The following CHL1 variants were observed in gnomAD, a reference collection of about 807,000 sequenced individuals.
The protein encoded by CHL1 is neural cell adhesion molecule L1-like protein.
A neutral mutation model predicts 141.9 loss-of-function variants in CHL1; 96 were observed. The observed-to-expected ratio is 0.68, with a 90% CI of 0.57 to 0.80. CHL1 has a LOEUF of 0.80. Among genes scored for constraint, CHL1 ranks in the 30% least tolerant of loss-of-function variants. The probability of loss-of-function intolerance (pLI) is 0.00; values close to 1 mark genes in which losing one functional copy is unlikely to be tolerated. For synonymous variants in CHL1, 613 were observed against 502.2 expected, an observed-to-expected ratio of 1.22 and a Z score of -2.95; for missense variants, 1,820 against 1,457.2, an observed-to-expected ratio of 1.25 and a Z score of -4.05.
chr3:337,074 T>C (rs1425577538), intron 5 of CHL1, among the ~76,000 whole-genome samples: 2 of 152,172 alleles, frequency 1.3e-5, no homozygotes, highest in African/African-American at 2.4e-5. Context: ...AAAAGATAGA[T>C]GCTGTGATAT....
At chr3:242,326 G>T (rs1301766897) in intron 1 of CHL1, among the ~76,000 whole-genome samples, 2 of 141,552 alleles carry the variant, frequency 1.4e-5, no homozygotes, top group Non-Finnish European at 3.1e-5. Flanking sequence ...GCTGAGCGCG[G>T]TGGCTCACGC....
intron 2 of CHL1, among the ~76,000 whole-genome samples, chr3:280,462 A>G (rs1696540902): frequency 6.6e-6 from 1 of 152,244 alleles, no homozygotes; most frequent in Non-Finnish European, 1.5e-5. Flanking sequence ...AAAGTGCTGA[A>G]TAACTTAGAT....
chr3:376,754 C>T (rs1706377687), intron 15 of CHL1, among the ~76,000 whole-genome samples: 1 of 152,096 alleles, frequency 6.6e-6, no homozygotes, highest in Admixed American at 6.5e-5. Flanking sequence ...AAATGGACAC[C>T]TGAGTAACAT....
intron 13 of CHL1, 74 bp downstream of exon 13, chr3:361,884 T>C: frequency 2.0e-6 from 2 of 1,017,972 alleles, no homozygotes; most frequent in Non-Finnish European, 3.1e-6. Flanking sequence ...ATCCGTCATT[T>C]GACAGGCTGT....
intron 16 of CHL1, among the ~76,000 whole-genome samples, chr3:380,294 C>A (rs1291282930): frequency 3.9e-5 from 6 of 152,270 alleles, no homozygotes; most frequent in African/African-American, 1.4e-4. Context: ...GGAAACGATG[C>A]TTTTTGTCAA....
At chr3:232,942 C>T (rs954711048) in intron 1 of CHL1, among the ~76,000 whole-genome samples, 1 of 152,010 alleles carries the variant, frequency 6.6e-6, no homozygotes, top group African/African-American at 2.4e-5. Context: ...AAAATTTGTT[C>T]TCTAAGTTTA....
intron 8 of CHL1, among the ~76,000 whole-genome samples, chr3:343,246 T>C (rs112624685): frequency 3.3e-5 from 5 of 152,206 alleles, no homozygotes; most frequent in African/African-American, 1.2e-4. Context: ...TATAATGAAA[T>C]ACTTATATAT....
chr3:401,099 G>T (rs574605350), intron 26 of CHL1, among the ~76,000 whole-genome samples: 15 of 152,070 alleles, frequency 9.9e-5, no homozygotes, highest in Admixed American at 5.9e-4. Flanking sequence ...ACAGGGTCTT[G>T]CTTTGTTGCC....
chr3:399,270 G>T, intron 26 of CHL1, 122 bp downstream of exon 26: 1 of 708,636 alleles, frequency 1.4e-6, no homozygotes, highest in Non-Finnish European at 2.5e-6. Flanking sequence ...CAAGTTAGAT[G>T]TACAATGCAC....
intron 2 of CHL1, among the ~76,000 whole-genome samples, chr3:262,907 G>A (rs143832341): frequency 6.6e-6 from 1 of 152,314 alleles, no homozygotes; most frequent in African/African-American, 2.4e-5. Flanking sequence ...GGTTTCTGGA[G>A]TTTCCTTCCT....
chr3:250,351 T>G (rs1693576832), intron 2 of CHL1, among the ~76,000 whole-genome samples: 1 of 152,162 alleles, frequency 6.6e-6, no homozygotes, highest in African/African-American at 2.4e-5. Flanking sequence ...GTATACTATT[T>G]TAACTAAGGG....
chr3:228,343 C>T (rs1701550222), intron 1 of CHL1, among the ~76,000 whole-genome samples: 1 of 152,172 alleles, frequency 6.6e-6, no homozygotes, highest in South Asian at 2.1e-4. Context: ...TAAAGGCTTA[C>T]CCCAACCACC....
intron 1 of CHL1, among the ~76,000 whole-genome samples, chr3:220,079 G>T (rs535501951): frequency 6.6e-6 from 1 of 152,144 alleles, no homozygotes; most frequent in Non-Finnish European, 1.5e-5. Flanking sequence ...CATACTGTGG[G>T]ATTTCATTTA....
At chr3:394,311 A>T (rs977970420) in intron 23 of CHL1, among the ~76,000 whole-genome samples, 6 of 152,208 alleles carry the variant, frequency 3.9e-5, no homozygotes, top group African/African-American at 1.4e-4. Flanking sequence ...ACTTAAGTCA[A>T]AGATACAATG....
intron 14 of CHL1, among the ~76,000 whole-genome samples, chr3:364,215 T>C (rs536185782): frequency 6.6e-6 from 1 of 152,308 alleles, no homozygotes; most frequent in East Asian, 1.9e-4. Context: ...TTTTATAGCA[T>C]TTGTCTCTTT....
intron 1 of CHL1, chr3:197,437 AC>A (rs200668433): frequency 1.9e-5 from 3 of 156,970 alleles, no homozygotes; most frequent in South Asian, 1.7e-4. Flanking sequence ...AGGATTCCAG[AC>A]CCCCCCGTAG....
At position 389,343 on chromosome 3, in the gene CHL1, C is replaced by T. The variant is rs769587618; in HGVS notation, c.2339C>T (p.Thr780Ile). 8 of 1,614,072 alleles carry T rather than the reference C, an allele frequency of 5.0e-6. No individual in the cohort carries two copies. In the East Asian group the frequency reaches 8.9e-5, roughly 18 times the overall value. The change falls in exon 20 of 28, where the codon ACA (threonine) becomes ATA (isoleucine). Residue 780 changes from threonine (T) to isoleucine (I), a missense_variant. Coordinates refer to ENST00000256509, the MANE Select transcript of CHL1 (RefSeq NM_006614.4). ...QGAPVEWEEE[T>I]VTNHTLRVMT... The stretch of plus-strand genomic sequence containing the variant: ...GCCCCAGTGGAGTGGGAAGAAGAAA[C>T]AGTCACAAACCACACATTGCGGGTG...
At chr3:315,985 G>A (rs990634729) in intron 2 of CHL1, among the ~76,000 whole-genome samples, 4 of 152,058 alleles carry the variant, frequency 2.6e-5, no homozygotes, top group Non-Finnish European at 5.9e-5. Context: ...GGCTTGAGGA[G>A]GTGGTGTCTG....
intron 5 of CHL1, among the ~76,000 whole-genome samples, chr3:332,066 C>T (rs1032538246): frequency 4.6e-5 from 7 of 152,184 alleles, no homozygotes; most frequent in Non-Finnish European, 8.8e-5. Flanking sequence ...CAAACAATTC[C>T]GTTCCCTAGC....
Sources: gnomAD v4.1 joint callset for allele counts (sites outside exome capture counted in the v4.1 genomes callset) on GRCh38, gnomAD v4.1.1 for gene constraint, MANE v1.5 for transcripts, NCBI Gene and HGNC (gene_info 2026-07-23, HGNC 2026-07-21) for gene names.